The following DNAH6 variants were observed in gnomAD, a reference collection of about 807,000 sequenced individuals.
The protein encoded by DNAH6 is dynein axonemal heavy chain 6, also known as axonemal beta dynein heavy chain 6.
DNAH6 carries 340 observed loss-of-function variants against 491.4 expected under a neutral mutation model. The observed-to-expected ratio is 0.69, with a 90% CI of 0.63 to 0.76. The LOEUF is 0.76. DNAH6 is among the 30% of genes least tolerant of loss of function. DNAH6 has a pLI of 0.00. For synonymous variants in DNAH6, 1,603 were observed against 1,686.1 expected (o/e 0.95, Z 1.21); for missense variants, 4,443 against 4,972.2 (o/e 0.89, Z 3.20).
At chr2:84,698,525 C>T (rs1330924573) in intron 47 of DNAH6, among the ~76,000 whole-genome samples, 1 of 152,220 alleles carries the variant, frequency 6.6e-6, no homozygotes, top group Non-Finnish European at 1.5e-5. Flanking sequence ...GCCACTAAAC[C>T]AGTCAGTGTG....
At chr2:84,788,323 A>C (rs1677407830) in intron 68 of DNAH6, among the ~76,000 whole-genome samples, 1 of 152,204 alleles carries the variant, frequency 6.6e-6, no homozygotes, top group Non-Finnish European at 1.5e-5. Context: ...TTGATGTTTC[A>C]GGTTACCTCA....
At chr2:84,635,135 C>T (rs1033785564) in intron 30 of DNAH6, among the ~76,000 whole-genome samples, 3 of 152,204 alleles carry the variant, frequency 2.0e-5, no homozygotes, top group African/African-American at 4.8e-5. Flanking sequence ...ACTCTGGACT[C>T]AGCTCTAGCT....
chr2:84,797,469 A>C, intron 69 of DNAH6, 68 bp from the exon 70 acceptor site: 1 of 1,479,944 alleles, frequency 6.8e-7, no homozygotes, highest in East Asian at 2.5e-5. Context: ...ACACAAAGAA[A>C]AATCAAACTT....
intron 45 of DNAH6, among the ~76,000 whole-genome samples, chr2:84,691,617 G>T (rs1220573563): frequency 6.9e-6 from 1 of 144,950 alleles, no homozygotes; most frequent in Non-Finnish European, 1.5e-5. Flanking sequence ...TTCAGTATCT[G>T]CAGATCATAC....
At chr2:84,694,100 T>C (rs1695146829) in intron 45 of DNAH6, 149 bp from the exon 46 acceptor site, 1 of 648,592 alleles carries the variant, frequency 1.5e-6, no homozygotes, top group African/African-American at 1.8e-5. Flanking sequence ...CACCAAACCC[T>C]GGCCTCAGAT....
In DNAH6 at chr2:84,641,831, C is replaced by G. The variant is rs1362511806; in HGVS notation, c.4971-116C>G. On this transcript the variant is annotated intron_variant, in intron 32 of 76. Transcript: ENST00000389394. ...CGCTGAACACACGAGGGAAAATGAT[C>G]TTCTCCTTCTAACAGGAATCCTCAG... is the stretch of plus-strand genomic sequence containing the variant. The G allele has an allele frequency of 5.2e-6, 4 of 768,474 alleles. No individual in the cohort carries two copies. The African/African-American group carries it at 7.1e-5, about 14-fold the overall frequency. The allele number at this position is 768,474 out of a possible 1,614,324, so 47.6% of individuals were successfully genotyped here.
chr2:84,746,918 AC>A (rs761408519), intron 63 of DNAH6, among the ~76,000 whole-genome samples: 1 of 152,148 alleles, frequency 6.6e-6, no homozygotes, highest in Non-Finnish European at 1.5e-5. Flanking sequence ...GGAGGGAGAC[AC>A]CAGACTGTTT....
chr2:84,777,661 G>A, intron 64 of DNAH6: 1 of 760,476 alleles, frequency 1.3e-6, no homozygotes, highest in South Asian at 1.5e-5. Flanking sequence ...CAGGCACACT[G>A]GAATCTCCAC....
chr2:84,695,648 A>G (rs1695313286), intron 46 of DNAH6, among the ~76,000 whole-genome samples: 1 of 152,134 alleles, frequency 6.6e-6, no homozygotes, highest in South Asian at 2.1e-4. Flanking sequence ...ATTATATTTT[A>G]GAAGCATCCA....
chr2:84,807,953 G>C (rs561677103), intron 71 of DNAH6, among the ~76,000 whole-genome samples: 1 of 152,150 alleles, frequency 6.6e-6, no homozygotes, highest in Non-Finnish European at 1.5e-5. Context: ...TTCTACATTA[G>C]CACAGCCAGT....
intron 64 of DNAH6, among the ~76,000 whole-genome samples, chr2:84,763,565 G>A (rs1367364537): frequency 6.6e-6 from 1 of 152,110 alleles, no homozygotes; most frequent in Non-Finnish European, 1.5e-5. Context: ...TCAGATCCAC[G>A]AGGTAGCCTC....
Position 84,722,712 on chromosome 2 carries a change from G to T in DNAH6, c.9880G>T (p.Val3294Leu), listed in dbSNP as rs1296794943. The T allele has an allele frequency of 2.6e-6, 4 of 1,549,062 alleles. No individual in the cohort carries two copies. The African/African-American group carries it at 5.5e-5, about 21-fold the overall frequency. The change falls in exon 60 of 77, where the codon GTG (valine) becomes TTG (leucine). Residue 3294 changes from valine (V) to leucine (L), a missense_variant. Val to Leu is a conservative substitution (Grantham distance 32). This residue lies in a region of DNAH6 where 1,463 missense variants were observed against 1,656.6 expected (regional missense o/e 0.88). Coordinates refer to ENST00000389394, the MANE Select transcript of DNAH6 (RefSeq NM_001370.2). The part of the protein sequence containing the change: ...INVAREKYRP[V>L]ATQGSVMYFV... ...TGTGGCTCGTGAGAAGTATCGTCCA[G>T]TGGCCACTCAAGGCTCTGTAATGTA...
At chr2:84,790,917 C>T (rs970151294) in intron 68 of DNAH6, among the ~76,000 whole-genome samples, 4 of 152,132 alleles carry the variant, frequency 2.6e-5, no homozygotes, top group Non-Finnish European at 5.9e-5. Flanking sequence ...CAAGGCCGGG[C>T]GCAGTGGCTC....
chr2:84,637,500 G>A (rs1417011999), intron 31 of DNAH6, 123 bp downstream of exon 31: 7 of 1,112,598 alleles, frequency 6.3e-6, no homozygotes, highest in African/African-American at 1.6e-5. Flanking sequence ...ATTATTAAGT[G>A]TAGATATGAT....
chr2:84,617,101 G>A lies in DNAH6; in HGVS notation c.3572+119G>A, dbSNP rs545912685. The A allele has an allele frequency of 2.7e-4, 158 of 581,864 alleles. 1 individual carries two copies. Among genetic ancestry groups the A allele is most frequent in the African/African-American group, 2.6e-3 (129 of 49,990 alleles). 36.0% of individuals were successfully genotyped at this position (581,864 alleles called of 1,614,324 possible). A position where few individuals can be genotyped will look rare whatever the true frequency, so the allele number is the denominator to read the frequency against. ...AGAGAGAGAAACAAAAAAGATCTAC[G>A]ATAATGAAAATCCAACTAGTTATCG... On this transcript the variant is annotated intron_variant, in intron 23 of 76. Transcript: ENST00000389394.
Position 84,532,674 on chromosome 2 carries a change from G to GA in DNAH6, c.662+3514dup, listed in dbSNP as rs574943415. Among the ~76,000 whole-genome samples the GA allele has an allele frequency of 3.4e-4, 51 of 152,088 alleles. No individual in the cohort carries two copies. In the South Asian group the frequency reaches 3.7e-3, roughly 11 times the overall value. On this transcript the variant is annotated intron_variant, in intron 4 of 76. Transcript: ENST00000389394. ...CTGATAAGCCTATTGAATTTTTCCA[G>GA]AAAAAATACGTGAGCAAAATGCAAA...
intron 64 of DNAH6, among the ~76,000 whole-genome samples, chr2:84,774,187 A>G (rs1675902967): frequency 6.6e-6 from 1 of 152,036 alleles, no homozygotes; most frequent in Admixed American, 6.6e-5. Flanking sequence ...TAAGATTTTT[A>G]TAGTTTGAGG....
chr2:84,746,934 C>T (rs978320999), intron 63 of DNAH6, among the ~76,000 whole-genome samples: 4 of 152,234 alleles, frequency 2.6e-5, no homozygotes, highest in South Asian at 2.1e-4. Context: ...CTGTTTTAAA[C>T]GTCTATCTCT....
intron 37 of DNAH6, among the ~76,000 whole-genome samples, chr2:84,661,511 G>C (rs1036805726): frequency 3.9e-5 from 6 of 152,052 alleles, no homozygotes; most frequent in African/African-American, 1.4e-4. Context: ...GGTCCACAAA[G>C]AGTTAACAAA....
Sources: gnomAD v4.1 joint callset for allele counts (sites outside exome capture counted in the v4.1 genomes callset) on GRCh38, gnomAD v4.1.1 for gene constraint, gnomAD v4.1.1 regional missense constraint, MANE v1.5 for transcripts, NCBI Gene and HGNC (gene_info 2026-07-23, HGNC 2026-07-21) for gene names.